Variants in KIF23 observed in about 807,000 individuals in gnomAD.
The protein encoded by KIF23 is kinesin family member 23.
KIF23 carries 30 observed loss-of-function variants against 137.5 expected under a neutral mutation model. The ratio of observed to expected loss-of-function variants is 0.22; its 90% CI spans 0.16 to 0.30. The LOEUF (loss-of-function observed/expected upper bound fraction) is 0.30, where lower values mean the gene tolerates loss of function less well. Among genes scored for constraint, KIF23 ranks in the 10% least tolerant of loss-of-function variants. The pLI is 1.00. For missense variants in KIF23, 920 were observed against 1,194.3 expected (o/e 0.77, Z 3.38); for synonymous variants, 367 against 391.1 (o/e 0.94, Z 0.73).
chr15:69,418,101 C>T (rs1162133310), intron 3 of KIF23, among the ~76,000 whole-genome samples: 3 of 152,032 alleles, frequency 2.0e-5, no homozygotes, highest in Non-Finnish European at 2.9e-5. Context: ...ATGAGGGGAC[C>T]GTGGGAATGC....
rs150488775 is a variant in KIF23, at chr15:69,426,374, C to A, written c.928C>A (p.Arg310Ser). ...KRRIANTHLN[R>S]ESSRSHSVFN... Reference sequence around the variant, plus strand: ...ACGTATTGCTAATACCCATTTGAATCGTGAGTCCAGCCGTTCCCATAGCGT... The same window carrying A: ...ACGTATTGCTAATACCCATTTGAATAGTGAGTCCAGCCGTTCCCATAGCGT... The change falls in exon 10 of 24, where the codon CGT (arginine) becomes AGT (serine). Residue 310 changes from arginine to serine, a missense_variant. Transcript: ENST00000679126. 1 of 1,614,090 alleles carries A rather than the reference C, an allele frequency of 6.2e-7. No individual in the cohort carries two copies. Among genetic ancestry groups the A allele is most frequent in the East Asian group, 2.2e-5 (1 of 44,888 alleles).
intron 11 of KIF23, among the ~76,000 whole-genome samples, chr15:69,432,015 T>G (rs1046408191): frequency 4.6e-5 from 7 of 152,194 alleles, no homozygotes; most frequent in Non-Finnish European, 1.0e-4. Context: ...GCAGCTTACC[T>G]ACTAGGTGTT....
intron 22 of KIF23, 146 bp from the exon 23 acceptor site, chr15:69,446,725 C>T (rs538824389): frequency 2.2e-5 from 17 of 756,274 alleles, no homozygotes; most frequent in Admixed American, 6.1e-5. Flanking sequence ...AAATAAATTA[C>T]GAGTGACTGG....
Position 69,440,973 on chromosome 15 carries a change from C to G in KIF23, c.2315C>G (p.Thr772Ser). The G allele has an allele frequency of 3.7e-6, 6 of 1,614,198 alleles. No homozygotes were observed. Among genetic ancestry groups the G allele is most frequent in the Non-Finnish European group, 4.2e-6 (5 of 1,180,040 alleles). The change falls in exon 19 of 24, where the codon ACT becomes AGT. Residue 772 changes from threonine to serine, a missense_variant. This residue lies in a region of KIF23 where 714 missense variants were observed against 866.2 expected (regional missense o/e 0.82). Coordinates refer to ENST00000679126, the MANE Select transcript of KIF23 (RefSeq NM_001367805.3). ...CAGCAGGAGCCAGGACAAAGCAAAA[C>G]TTGTATCGTGTCAGACAGAAGGCGA... ...RRQQEPGQSK[T>S]CIVSDRRRGM...
chr15:69,440,998 A>T lies in KIF23; in HGVS notation c.2340A>T (p.Arg780=). ...CTTGTATCGTGTCAGACAGAAGGCG[A>T]GGGATGTACTGGACTGAAGGCAGGG... The part of the protein sequence containing the change: ...SKTCIVSDRR[R]GMYWTEGREV... Residue 780 remains arginine, a synonymous_variant, in exon 19 of 24, where the codon CGA becomes CGT. Coordinates refer to ENST00000679126, the MANE Select transcript of KIF23 (RefSeq NM_001367805.3). 1 of 1,614,236 alleles carries T rather than the reference A, an allele frequency of 6.2e-7. No individual in the cohort carries two copies. The highest frequency in any genetic ancestry group is 1.6e-4 in the Middle Eastern group (1 of 6,062).
rs1442731149 is a variant in KIF23 at position 69,447,912 on chromosome 15, G to A, written c.*105G>A. 7.5e-5 allele frequency: 93 copies of A among 1,244,114 alleles called. No homozygotes were observed. The highest frequency in any genetic ancestry group is 1.0e-4 in the Non-Finnish European group (87 of 859,220). 77.1% of individuals were successfully genotyped at this position (1,244,114 alleles called of 1,614,324 possible). Reference sequence around the variant, plus strand: ...GGTCATCTTGTAGAACTCCAGCTTTGTTGAAAATCACGGACCTCAGCTACA... The same window carrying A: ...GGTCATCTTGTAGAACTCCAGCTTTATTGAAAATCACGGACCTCAGCTACA... On this transcript the variant is annotated 3_prime_UTR_variant, in exon 24 of 24. Transcript: ENST00000679126.
chr15:69,434,081 A>C (rs961421091), intron 11 of KIF23, among the ~76,000 whole-genome samples: 6 of 152,214 alleles, frequency 3.9e-5, no homozygotes, highest in Admixed American at 2.0e-4. Context: ...ATGATGACCA[A>C]ATCCAAGGAA....
intron 7 of KIF23, 89 bp from the exon 8 acceptor site, chr15:69,425,193 C>A: frequency 1.1e-6 from 1 of 938,408 alleles, no homozygotes. Flanking sequence ...AGATATGACT[C>A]ATTGTGATTG....
intron 11 of KIF23, among the ~76,000 whole-genome samples, chr15:69,432,005 G>T (rs191725243): frequency 6.6e-6 from 1 of 152,306 alleles, no homozygotes; most frequent in Admixed American, 6.5e-5. Context: ...TCTACCCAGT[G>T]CAGCTTACCT....
intron 5 of KIF23, 85 bp from the exon 6 acceptor site, chr15:69,422,241 C>G: frequency 6.9e-7 from 1 of 1,456,096 alleles, no homozygotes; most frequent in Non-Finnish European, 9.4e-7. Context: ...CTTAACTGTT[C>G]CTTAGTTTTT....
At chr15:69,442,079 A>G (rs997647625) in intron 19 of KIF23, among the ~76,000 whole-genome samples, 11 of 152,102 alleles carry the variant, frequency 7.2e-5, no homozygotes, top group African/African-American at 2.7e-4. Flanking sequence ...TCAATCCATG[A>G]TACTATGAAA....
chr15:69,429,632 T>C (rs1027010307), intron 11 of KIF23, among the ~76,000 whole-genome samples: 5 of 152,140 alleles, frequency 3.3e-5, no homozygotes, highest in African/African-American at 1.2e-4. Context: ...AGCACAATTG[T>C]CCTCCATTAG....
chr15:69,429,089 A>G (rs1396472802), intron 10 of KIF23, 22 bp from the exon 11 acceptor site: 5 of 1,523,380 alleles, frequency 3.3e-6, no homozygotes, highest in Middle Eastern at 1.7e-4. Flanking sequence ...ATTTTAAGTT[A>G]TTGGCTTTGT....
intron 11 of KIF23, chr15:69,435,165 A>G (rs1468257880): frequency 2.2e-6 from 1 of 459,930 alleles, no homozygotes; most frequent in Non-Finnish European, 3.8e-6. Context: ...GATATTAAAC[A>G]TCTCTATATA....
At chr15:69,435,149 TATG>T (rs1391267262) in intron 11 of KIF23, 5 of 455,786 alleles carry the variant, frequency 1.1e-5, no homozygotes, top group Admixed American at 3.8e-5. Context: ...TATATTTTAA[TATG>T]AGGATATTAA....
intron 11 of KIF23, among the ~76,000 whole-genome samples, chr15:69,433,417 A>C (rs1278538212): frequency 6.6e-6 from 1 of 152,236 alleles, no homozygotes; most frequent in Non-Finnish European, 1.5e-5. Context: ...AAGAGTGGTC[A>C]GAAGTAACAA....
intron 3 of KIF23, among the ~76,000 whole-genome samples, chr15:69,418,094 A>G (rs868195349): frequency 1.3e-5 from 2 of 152,214 alleles, no homozygotes; most frequent in South Asian, 4.1e-4. Context: ...GCTAAAGATG[A>G]GGGGACCGTG....
chr15:69,426,403 C>T lies in KIF23; in HGVS notation c.957C>T (p.Phe319=). ...AGTCCAGCCGTTCCCATAGCGTGTT[C>T]AACATTAAATTAGTTCAGGCTCCCT... ...NRESSRSHSV[F]NIKLVQAPLD... The change falls in exon 10 of 24, where the codon TTC becomes TTT. Residue 319 remains phenylalanine (F), a synonymous_variant. Transcript: ENST00000679126. The T allele has an allele frequency of 6.2e-7, 1 of 1,614,048 alleles. No individual in the cohort carries two copies. The highest frequency in any genetic ancestry group is 8.5e-7 in the Non-Finnish European group (1 of 1,179,948).
In KIF23 at chr15:69,426,056, TTTC is replaced by T; in HGVS notation, c.777-11_777-9del. The T allele has an allele frequency of 6.6e-7, 1 of 1,511,066 alleles. No homozygotes were observed. Among genetic ancestry groups the T allele is most frequent in the Non-Finnish European group, 8.8e-7 (1 of 1,131,590 alleles). 93.6% of individuals were successfully genotyped at this position (1,511,066 alleles called of 1,614,324 possible). A position where few individuals can be genotyped will look rare whatever the true frequency, so the allele number is the denominator to read the frequency against. On this transcript the variant is annotated splice_polypyrimidine_tract_variant and intron_variant, in intron 8 of 23. Coordinates refer to ENST00000679126, the MANE Select transcript of KIF23 (RefSeq NM_001367805.3). ...CATAATTTAGGAGACTAATCTTTTT[TTTC>T]TTTCCCATAGACCTCCACAATCTAA...
Sources: gnomAD v4.1 joint callset for allele counts (sites outside exome capture counted in the v4.1 genomes callset) on GRCh38, gnomAD v4.1.1 for gene constraint, gnomAD v4.1.1 regional missense constraint, MANE v1.5 for transcripts, NCBI Gene and HGNC (gene_info 2026-07-23, HGNC 2026-07-21) for gene names.